The following TMEM132D variants were observed in gnomAD, a reference collection of about 807,000 sequenced individuals.
The protein encoded by TMEM132D is mature OL transmembrane protein.
Under a neutral mutation model 62.3 loss-of-function variants are expected in TMEM132D, and 21 were observed. The observed-to-expected ratio is 0.34, with a 90% CI of 0.24 to 0.49. The LOEUF (loss-of-function observed/expected upper bound fraction) is 0.49, where lower values mean the gene tolerates loss of function less well. Ranked by LOEUF, TMEM132D falls within the 20% of genes least tolerant of loss-of-function variation. The pLI, the probability that TMEM132D is intolerant of heterozygous loss-of-function variation, is 0.99. For synonymous variants in TMEM132D, 621 were observed against 575.6 expected, an observed-to-expected ratio of 1.08 and a Z score of -1.13; for missense variants, 1,346 against 1,402.8, an observed-to-expected ratio of 0.96 and a Z score of 0.65.
At chr12:129,730,612 G>A (rs1031681515) in intron 1 of TMEM132D, among the ~76,000 whole-genome samples, 15 of 151,912 alleles carry the variant, frequency 9.9e-5, no homozygotes, top group Non-Finnish European at 1.9e-4. Flanking sequence ...GCAAAGTATC[G>A]TTCCTGGGTG....
intron 1 of TMEM132D, among the ~76,000 whole-genome samples, chr12:129,845,814 G>C (rs1013036183): frequency 5.3e-5 from 8 of 152,258 alleles, no homozygotes; most frequent in African/African-American, 1.9e-4. Flanking sequence ...GTGAACAGCA[G>C]CAGCAGAGGT....
chr12:129,492,966 G>A (rs952751697), intron 3 of TMEM132D, among the ~76,000 whole-genome samples: 4 of 152,054 alleles, frequency 2.6e-5, no homozygotes, highest in East Asian at 1.9e-4. Flanking sequence ...GGATAGCGGC[G>A]CCAAGTCACC....
At chr12:129,647,587 G>C (rs886387261) in intron 2 of TMEM132D, among the ~76,000 whole-genome samples, 1 of 152,124 alleles carries the variant, frequency 6.6e-6, no homozygotes, top group Non-Finnish European at 1.5e-5. Context: ...GAGTTCCCAG[G>C]ATTCTTTTTG....
At chr12:129,219,548 C>T (rs1207946459) in intron 4 of TMEM132D, among the ~76,000 whole-genome samples, 1 of 152,172 alleles carries the variant, frequency 6.6e-6, no homozygotes, top group African/African-American at 2.4e-5. Flanking sequence ...GACTCAGTTG[C>T]TCCCATGCAA....
At chr12:129,370,418 C>G (rs1870556724) in intron 3 of TMEM132D, among the ~76,000 whole-genome samples, 1 of 152,226 alleles carries the variant, frequency 6.6e-6, no homozygotes, top group Admixed American at 6.5e-5. Context: ...AGTGGCAGCT[C>G]TGCCAGCTGT....
chr12:129,738,328 C>T (rs1306263121), intron 1 of TMEM132D, among the ~76,000 whole-genome samples: 2 of 146,302 alleles, frequency 1.4e-5, no homozygotes, highest in Non-Finnish European at 3.0e-5. Flanking sequence ...AAAAAGGAGA[C>T]AGAGAAGAAG....
At chr12:129,278,342 G>A (rs963582715) in intron 4 of TMEM132D, among the ~76,000 whole-genome samples, 1 of 152,146 alleles carries the variant, frequency 6.6e-6, no homozygotes, top group Non-Finnish European at 1.5e-5. Flanking sequence ...AACATATACA[G>A]TCCAGGCTCT....
intron 5 of TMEM132D, among the ~76,000 whole-genome samples, chr12:129,172,949 G>A (rs150122082): frequency 6.6e-6 from 1 of 152,160 alleles, no homozygotes; most frequent in Non-Finnish European, 1.5e-5. Flanking sequence ...GGGAATGGTG[G>A]GTTGGTGGAG....
At chr12:129,368,694 T>C (rs928795643) in intron 3 of TMEM132D, among the ~76,000 whole-genome samples, 3 of 152,084 alleles carry the variant, frequency 2.0e-5, no homozygotes, top group Non-Finnish European at 4.4e-5. Flanking sequence ...TTGCAAACTA[T>C]TGACTCAAAA....
chr12:129,610,719 A>C (rs553353238), intron 2 of TMEM132D, among the ~76,000 whole-genome samples: 1 of 151,832 alleles, frequency 6.6e-6, no homozygotes, highest in South Asian at 2.1e-4. Flanking sequence ...ACAAGCAAGT[A>C]AGTAATTGAT....
chr12:129,109,091 C>T (rs977806432), intron 5 of TMEM132D, among the ~76,000 whole-genome samples: 37 of 152,334 alleles, frequency 2.4e-4, no homozygotes, highest in African/African-American at 8.9e-4. Flanking sequence ...CGAACATGAA[C>T]ACAATTAAGT....
At chr12:129,162,933 T>C (rs962785326) in intron 5 of TMEM132D, among the ~76,000 whole-genome samples, 3 of 152,188 alleles carry the variant, frequency 2.0e-5, no homozygotes, top group African/African-American at 4.8e-5. Context: ...GCTAGCACAG[T>C]CATCCCCCCA....
At chr12:129,808,391 G>C (rs111680875) in intron 1 of TMEM132D, among the ~76,000 whole-genome samples, 38 of 152,178 alleles carry the variant, frequency 2.5e-4, no homozygotes, top group Non-Finnish European at 5.1e-4. Flanking sequence ...TGTGAAACTG[G>C]GACAGAATAA....
intron 1 of TMEM132D, among the ~76,000 whole-genome samples, chr12:129,900,214 T>C (rs1320505190): frequency 1.3e-5 from 2 of 152,212 alleles, no homozygotes; most frequent in Non-Finnish European, 2.9e-5. Flanking sequence ...TTTAACAGGA[T>C]TTTAATTGGA....
In TMEM132D at chr12:129,598,403, T is replaced by A. The variant is rs115510010; in HGVS notation, c.969-67198A>T. ...CTGACATCTGAAAAAAGATTTTCTA[T>A]GGAATGTCCACCCCAAATGGAATCA... On this transcript the variant is annotated intron_variant, in intron 2 of 8. Transcript: ENST00000422113. Among the ~76,000 whole-genome samples the A allele has an allele frequency of 6.7e-3, 1,027 of 152,312 alleles. 11 individuals carry two copies. The highest frequency in any genetic ancestry group is 0.024 in the African/African-American group (992 of 41,566).
At chr12:129,788,930 G>A (rs1228671716) in intron 1 of TMEM132D, among the ~76,000 whole-genome samples, 1 of 152,168 alleles carries the variant, frequency 6.6e-6, no homozygotes, top group African/African-American at 2.4e-5. Context: ...CAGGGATGCC[G>A]TGAGTGATGG....
At chr12:129,727,620 G>A (rs1313819849) in intron 1 of TMEM132D, among the ~76,000 whole-genome samples, 1 of 152,166 alleles carries the variant, frequency 6.6e-6, no homozygotes, top group East Asian at 1.9e-4. Flanking sequence ...GAGCTGGAAA[G>A]AAGAGTGGGT....
chr12:129,248,742 G>T (rs1408941679), intron 4 of TMEM132D, among the ~76,000 whole-genome samples: 1 of 152,106 alleles, frequency 6.6e-6, no homozygotes, highest in Non-Finnish European at 1.5e-5. Context: ...CCTATCGTCT[G>T]CTGTTCCCCT....
chr12:129,182,873 T>A (rs1426314421), intron 5 of TMEM132D, among the ~76,000 whole-genome samples: 2 of 152,132 alleles, frequency 1.3e-5, no homozygotes, highest in African/African-American at 2.4e-5. Flanking sequence ...TTTCTCAGGA[T>A]CACGTGAGTT....
Sources: allele counts gnomAD v4.1 joint callset (sites outside exome capture counted in the v4.1 genomes callset), GRCh38; gene constraint gnomAD v4.1.1; transcripts MANE v1.5; gene names NCBI Gene and HGNC (gene_info 2026-07-23, HGNC 2026-07-21).